Variants in TUBGCP5 observed in about 807,000 individuals in gnomAD.
The protein encoded by TUBGCP5 is gamma-tubulin complex component 5.
In TUBGCP5, 98 loss-of-function variants were observed where a neutral mutation model predicts 134.7. That is an observed-to-expected ratio of 0.73 (90% confidence interval 0.62 to 0.86). The LOEUF (loss-of-function observed/expected upper bound fraction) is 0.86, where lower values mean the gene tolerates loss of function less well. TUBGCP5 is among the 40% of genes least tolerant of loss of function. The probability of loss-of-function intolerance (pLI) is 0.00; values close to 1 mark genes in which losing one functional copy is unlikely to be tolerated. For missense variants in TUBGCP5, 1,150 were observed against 1,244.8 expected (o/e 0.92, Z 1.15); for synonymous variants, 456 against 431.4 (o/e 1.06, Z -0.71).
At chr15:23,008,620 T>C in intron 16 of TUBGCP5, 79 bp downstream of exon 16, 1 of 1,445,204 alleles carries the variant, frequency 6.9e-7, no homozygotes, top group Admixed American at 1.8e-5. Flanking sequence ...GATAAAATAA[T>C]ATGTGTAATT....
intron 1 of TUBGCP5, among the ~76,000 whole-genome samples, chr15:23,037,588 G>C (rs2066670349): frequency 6.6e-6 from 1 of 152,134 alleles, no homozygotes; most frequent in African/African-American, 2.4e-5. Flanking sequence ...AATATTTAAA[G>C]AAGTTTAAGA....
chr15:22,988,735 C>CAAA (rs71117462), intron 23 of TUBGCP5, among the ~76,000 whole-genome samples: 2,300 of 137,774 alleles, frequency 0.017, 66 homozygotes, highest in African/African-American at 0.053. Flanking sequence ...GACTCCGTCT[C>CAAA]AAAAAAAAAA....
At position 23,017,953 on chromosome 15, in the gene TUBGCP5, TTTC is replaced by T; in HGVS notation, c.1573_1575del (p.Glu525del). The T allele has an allele frequency of 6.2e-7, 1 of 1,614,230 alleles. No individual in the cohort carries two copies. The highest frequency in any genetic ancestry group is 8.5e-7 in the Non-Finnish European group (1 of 1,180,022). On this transcript the variant is annotated inframe_deletion, in exon 13 of 23. Transcript: ENST00000615383. ...CTCGCACTAGCGTTATCACTCATTT[TTTC>T]TTCATTTTCTGTCTTTTCTGATACG...
chr15:23,017,663 G>A (rs1274072163), intron 13 of TUBGCP5, 110 bp downstream of exon 13: 3 of 1,068,666 alleles, frequency 2.8e-6, no homozygotes, highest in African/African-American at 1.6e-5. Flanking sequence ...ACCGAAATAA[G>A]AGGGTTTGAT....
Position 23,020,601 on chromosome 15 carries a change from A to G in TUBGCP5, c.1372-1267T>C, listed in dbSNP as rs565165727. On this transcript the variant is annotated intron_variant, in intron 11 of 22. Transcript: ENST00000615383. ...CTACGTCTCAAAAAAAAAAAAAAAA[A>G]AAAAAGAAAAAAAGAAATATGGTAT... Among the ~76,000 whole-genome samples, 1,042 of 151,288 alleles carry G rather than the reference A, an allele frequency of 6.9e-3. 6 individuals are homozygous for G. The highest frequency in any genetic ancestry group is 0.022 in the African/African-American group (888 of 41,268).
In TUBGCP5 at chr15:23,009,998, C is replaced by T. The variant is rs2064941546; in HGVS notation, c.2091G>A (p.Lys697=). The T allele has an allele frequency of 6.2e-7, 1 of 1,613,948 alleles. No individual in the cohort carries two copies. Among genetic ancestry groups the T allele is most frequent in the East Asian group, 2.2e-5 (1 of 44,888 alleles). The change falls in exon 15 of 23, where the codon AAG becomes AAA. Residue 697 remains lysine, a synonymous_variant. Transcript: ENST00000615383. ...LRSCLYPHID[K]QYLDCCGNLM... ...GATTTCCACAGCAATCTAGATACTG[C>T]TTGTCAATATGAGGATAGAGGCAGG...
chr15:22,992,410 G>C (rs748520571), intron 23 of TUBGCP5, among the ~76,000 whole-genome samples: 5 of 152,134 alleles, frequency 3.3e-5, no homozygotes, highest in Non-Finnish European at 7.3e-5. Context: ...ACAATTAACT[G>C]TGTAAGAGCA....
chr15:23,016,938 A>G (rs1384081847), intron 13 of TUBGCP5, among the ~76,000 whole-genome samples: 1 of 140,520 alleles, frequency 7.1e-6, no homozygotes. Flanking sequence ...CTAGGTGCCC[A>G]ACAACAGATG....
chr15:23,001,848 A>G (rs1454323716), intron 21 of TUBGCP5, among the ~76,000 whole-genome samples: 2 of 152,076 alleles, frequency 1.3e-5, no homozygotes, highest in Admixed American at 6.6e-5. Flanking sequence ...ATAAATGTAT[A>G]CTTTAAAGAT....
chr15:22,993,320 G>A (rs1010797516), intron 23 of TUBGCP5, among the ~76,000 whole-genome samples: 25 of 151,882 alleles, frequency 1.6e-4, no homozygotes, highest in African/African-American at 5.1e-4. Flanking sequence ...GGCTGGTCTC[G>A]AACTCCTGAC....
At chr15:23,033,401 C>T (rs1164163278) in intron 3 of TUBGCP5, among the ~76,000 whole-genome samples, 1 of 152,118 alleles carries the variant, frequency 6.6e-6, no homozygotes. Flanking sequence ...GTCTCAGCCT[C>T]CCGAGTAGCT....
chr15:22,990,190 T>C (rs1369054761), intron 23 of TUBGCP5, among the ~76,000 whole-genome samples: 1 of 152,042 alleles, frequency 6.6e-6, no homozygotes, highest in African/African-American at 2.4e-5. Flanking sequence ...AGCAATGCCA[T>C]CTTACTGAGA....
intron 18 of TUBGCP5, 111 bp from the exon 19 acceptor site, chr15:23,005,721 G>T: frequency 8.4e-7 from 1 of 1,192,236 alleles, no homozygotes. Flanking sequence ...ACCACAGAAA[G>T]CACTGGCAGG....
At chr15:23,029,700 A>G (rs1176668432) in intron 6 of TUBGCP5, among the ~76,000 whole-genome samples, 1 of 149,918 alleles carries the variant, frequency 6.7e-6, no homozygotes, top group African/African-American at 2.4e-5. Context: ...CCTGGCCAAC[A>G]TGGTGAAACC....
chr15:23,036,078 A>C (rs1300264001), intron 3 of TUBGCP5, among the ~76,000 whole-genome samples: 1 of 152,234 alleles, frequency 6.6e-6, no homozygotes, highest in Non-Finnish European at 1.5e-5. Context: ...CAGCAGAGCT[A>C]GGGAATGTGG....
chr15:23,017,680 C>A, intron 13 of TUBGCP5, 93 bp downstream of exon 13: 5 of 1,305,218 alleles, frequency 3.8e-6, no homozygotes, highest in Non-Finnish European at 4.1e-6. Flanking sequence ...TGATGACTTG[C>A]AAACTACAAA....
intron 7 of TUBGCP5, 140 bp from the exon 8 acceptor site, chr15:23,026,345 C>T: frequency 1.5e-6 from 1 of 653,062 alleles, no homozygotes; most frequent in Non-Finnish European, 2.7e-6. Context: ...TTAAATGCCC[C>T]CTATATTTTC....
At chr15:23,000,701 G>C (rs754957224) in intron 21 of TUBGCP5, 32 bp from the exon 22 acceptor site, 2 of 1,541,542 alleles carry the variant, frequency 1.3e-6, no homozygotes, top group Admixed American at 3.5e-5. Context: ...AATTAAGTAA[G>C]TGCATTGCGG....
At chr15:22,986,988 A>G (rs1361885980) in intron 23 of TUBGCP5, among the ~76,000 whole-genome samples, 1 of 152,142 alleles carries the variant, frequency 6.6e-6, no homozygotes, top group Non-Finnish European at 1.5e-5. Context: ...CTTATGCACT[A>G]TGGGGGCTGG....
Sources: gnomAD v4.1 joint callset for allele counts (sites outside exome capture counted in the v4.1 genomes callset) on GRCh38, gnomAD v4.1.1 for gene constraint, MANE v1.5 for transcripts, NCBI Gene and HGNC (gene_info 2026-07-23, HGNC 2026-07-21) for gene names.